The following WDR41 variants were observed in gnomAD, a reference collection of about 807,000 sequenced individuals.
The protein encoded by WDR41 is WD repeat-containing protein 41.
In WDR41, 63 loss-of-function variants were observed where a neutral mutation model predicts 69.3. That is an observed-to-expected ratio of 0.91 (90% CI 0.74 to 1.12). The LOEUF (loss-of-function observed/expected upper bound fraction) is 1.12. WDR41 is among the 50% of genes most tolerant of loss of function. The probability of loss-of-function intolerance (pLI) is 0.00; values close to 1 mark genes in which losing one functional copy is unlikely to be tolerated. For synonymous variants in WDR41, 185 were observed against 192.1 expected (o/e 0.96, Z 0.31); for missense variants, 543 against 534.5 (o/e 1.02, Z -0.16).
At chr5:77,452,393 G>C (rs1211245788) in intron 6 of WDR41, 1 of 152,198 alleles carries the variant, frequency 6.6e-6, no homozygotes, top group African/African-American at 2.4e-5. Flanking sequence ...CAACAATCCA[G>C]ATGTAGCAAC....
At position 77,507,448 on chromosome 5, in the gene WDR41, C is replaced by T. The variant is rs1012547398; in HGVS notation, c.43-17876G>A. 2.0e-5 allele frequency among the ~76,000 whole-genome samples: 3 copies of T among 152,136 alleles called. No homozygotes were observed. In the South Asian group the frequency reaches 6.2e-4, roughly 31 times the overall value. ...TACTGCTATATCTTATACTTGTTGT[C>T]TCGTGTCATCATTTTGCAATCTTTG... On this transcript the variant is annotated intron_variant, in intron 1 of 5. Transcript: ENST00000509971.
chr5:77,478,171 T>C (rs1299175770), intron 2 of WDR41, among the ~76,000 whole-genome samples: 2 of 152,134 alleles, frequency 1.3e-5, no homozygotes, highest in Non-Finnish European at 2.9e-5. Context: ...TCTGAAATTG[T>C]GGCAATAATC....
chr5:77,527,371 G>A (rs1217221725), intron 1 of WDR41, among the ~76,000 whole-genome samples: 2 of 151,630 alleles, frequency 1.3e-5, no homozygotes, highest in Admixed American at 6.6e-5. Context: ...TCATATTTAA[G>A]GCAAAAAAGC....
At chr5:77,593,606 C>G (rs1744169879) in intron 1 of WDR41, among the ~76,000 whole-genome samples, 1 of 152,048 alleles carries the variant, frequency 6.6e-6, no homozygotes, top group Non-Finnish European at 1.5e-5. Flanking sequence ...AAACTATTAT[C>G]TGAGTCACAA....
At chr5:77,436,422 C>T (rs1226217660) in intron 11 of WDR41, 28 bp from the exon 12 acceptor site, 2 of 1,612,926 alleles carry the variant, frequency 1.2e-6, no homozygotes, top group African/African-American at 1.3e-5. Context: ...TCCAAAATTA[C>T]TGTGCTCTGT....
chr5:77,617,261 G>A (rs1365701095), intron 1 of WDR41, among the ~76,000 whole-genome samples: 2 of 152,298 alleles, frequency 1.3e-5, no homozygotes, highest in East Asian at 3.9e-4. Flanking sequence ...TAGCCACATG[G>A]TGCTGGTGGC....
At position 77,435,205 on chromosome 5, in the gene WDR41, C is replaced by T. The variant is rs529266122; in HGVS notation, c.1227+1056G>A. On this transcript the variant is annotated intron_variant, in intron 12 of 12. Transcript: ENST00000296679. ...AAGCAAAGATAACTATGACACTGTACCCCAACATCAAGGAGCTTATGATGA... is the reference window on the plus strand; with the variant it reads ...AAGCAAAGATAACTATGACACTGTATCCCAACATCAAGGAGCTTATGATGA... 7.2e-5 allele frequency among the ~76,000 whole-genome samples: 11 copies of T among 152,308 alleles called. 1 individual carries two copies. In the South Asian group the frequency reaches 2.3e-3, roughly 32 times the overall value.
At chr5:77,594,182 G>T (rs1431138207) in intron 1 of WDR41, among the ~76,000 whole-genome samples, 1 of 146,078 alleles carries the variant, frequency 6.8e-6, no homozygotes, top group Non-Finnish European at 1.5e-5. Context: ...ACCAAACACC[G>T]CATGTTCTCA....
At chr5:77,456,064 C>G (rs1303477063) in intron 5 of WDR41, among the ~76,000 whole-genome samples, 3 of 151,978 alleles carry the variant, frequency 2.0e-5, no homozygotes, top group African/African-American at 7.2e-5. Flanking sequence ...GTGGTGGAAT[C>G]ATAACAATAG....
intron 1 of WDR41, among the ~76,000 whole-genome samples, chr5:77,567,528 G>T (rs1232837631): frequency 6.6e-6 from 1 of 151,920 alleles, no homozygotes; most frequent in Non-Finnish European, 1.5e-5. Flanking sequence ...ACATTACAGG[G>T]TTAGTGCAAA....
intron 1 of WDR41, among the ~76,000 whole-genome samples, chr5:77,548,974 G>A (rs1035849268): frequency 2.9e-4 from 44 of 152,156 alleles, no homozygotes; most frequent in Admixed American, 5.9e-4. Flanking sequence ...TGAATTAATG[G>A]CATTTGCAGT....
intron 1 of WDR41, among the ~76,000 whole-genome samples, chr5:77,565,885 T>C (rs1387027298): frequency 1.3e-5 from 2 of 152,192 alleles, no homozygotes; most frequent in Non-Finnish European, 2.9e-5. Context: ...TTTCTCCTGA[T>C]AACATCTGAA....
intron 1 of WDR41, among the ~76,000 whole-genome samples, chr5:77,501,780 G>A (rs1387475396): frequency 6.6e-6 from 1 of 152,084 alleles, no homozygotes; most frequent in Non-Finnish European, 1.5e-5. Flanking sequence ...CAACAGACCT[G>A]CAGCTGAGGG....
chr5:77,618,722 C>T (rs1744723975), intron 1 of WDR41, among the ~76,000 whole-genome samples: 1 of 152,088 alleles, frequency 6.6e-6, no homozygotes, highest in Admixed American at 6.6e-5. Context: ...GTGACCATAG[C>T]CCCTTATTGT....
chr5:77,599,197 C>CTTTTTTTTTTTTTTTTTTTTTTTTTTTT (rs34759217), intron 1 of WDR41, among the ~76,000 whole-genome samples: 1 of 76,186 alleles, frequency 1.3e-5, no homozygotes, highest in African/African-American at 4.9e-5. Context: ...ATCGGAAGCT[C>CTTTTTTTTTTTTTTTTTTTTTTTTTTTT]TTTTTTTTTT....
intron 5 of WDR41, among the ~76,000 whole-genome samples, chr5:77,454,756 T>C (rs1799762488): frequency 6.6e-6 from 1 of 152,250 alleles, no homozygotes; most frequent in Non-Finnish European, 1.5e-5. Flanking sequence ...TTTAAAACTG[T>C]TGGATTAAAA....
At chr5:77,502,666 G>C (rs1802038347) in intron 1 of WDR41, among the ~76,000 whole-genome samples, 1 of 152,210 alleles carries the variant, frequency 6.6e-6, no homozygotes, top group Non-Finnish European at 1.5e-5. Context: ...ACTGACAGCG[G>C]ATCACTCGGG....
chr5:77,590,943 T>C (rs189025380), intron 1 of WDR41, among the ~76,000 whole-genome samples: 12 of 152,280 alleles, frequency 7.9e-5, no homozygotes, highest in Middle Eastern at 3.4e-3. Context: ...AAGACTTGGA[T>C]TACCTAATGT....
At chr5:77,486,502 C>T (rs1351385060) in intron 2 of WDR41, among the ~76,000 whole-genome samples, 2 of 152,226 alleles carry the variant, frequency 1.3e-5, no homozygotes, top group African/African-American at 4.8e-5. Context: ...TTTACCCACT[C>T]ACTGAATTTG....
Sources: gnomAD v4.1 joint callset for allele counts (sites outside exome capture counted in the v4.1 genomes callset) on GRCh38, gnomAD v4.1.1 for gene constraint, MANE v1.5 for transcripts, NCBI Gene and HGNC (gene_info 2026-07-23, HGNC 2026-07-21) for gene names.